Variants in ZNF37A observed in about 807,000 individuals in gnomAD.
ZNF37A encodes the protein zinc finger protein 37A.
In ZNF37A, 10 loss-of-function variants were observed where a neutral mutation model predicts 12.3. The observed-to-expected ratio is 0.82, with a 90% CI of 0.50 to 1.38. The LOEUF (loss-of-function observed/expected upper bound fraction) is 1.38. Among genes scored for constraint, ZNF37A ranks in the 40% most tolerant of loss-of-function variants. ZNF37A has a pLI of 0.00. For synonymous variants in ZNF37A, 207 were observed against 223.0 expected, an observed-to-expected ratio of 0.93 and a Z score of 0.64; for missense variants, 580 against 651.2, an observed-to-expected ratio of 0.89 and a Z score of 1.19.
chr10:38,140,954 C>G (rs1163604597), intron 7 of ZNF37A: 1 of 152,102 alleles, frequency 6.6e-6, no homozygotes, highest in African/African-American at 2.4e-5. Flanking sequence ...TAATCTTTCC[C>G]ATGGAAGAAT....
At chr10:38,129,304 T>TAAAAAAAA (rs775705417), downstream of ZNF37A, among the ~76,000 whole-genome samples, 88 of 56,888 alleles carry the variant, frequency 1.5e-3, 5 homozygotes, top group African/African-American at 4.2e-3. Flanking sequence ...AGACTCTGTC[T>TAAAAAAAA]AAAAAAAAAA....
chr10:38,112,801 T>TG (rs879590645), intron 5 of ZNF37A, among the ~76,000 whole-genome samples: 3 of 68,722 alleles, frequency 4.4e-5, no homozygotes, highest in Non-Finnish European at 9.6e-5. Context: ...TTTTCTTGTC[T>TG]TGTCTTGTCT....
At chr10:38,129,922 A>G (rs1370185361), downstream of ZNF37A, among the ~76,000 whole-genome samples, 2 of 152,256 alleles carry the variant, frequency 1.3e-5, no homozygotes, top group African/African-American at 2.4e-5. Context: ...TTGTAAGTGT[A>G]CAATTCAATG....
chr10:38,131,937 C>T (rs904586230), intron 7 of ZNF37A, among the ~76,000 whole-genome samples: 4 of 151,964 alleles, frequency 2.6e-5, no homozygotes, highest in Non-Finnish European at 4.4e-5. Flanking sequence ...TTGGATTTTT[C>T]GTCAATGGTA....
At chr10:38,127,236 T>G (rs2069941120), downstream of ZNF37A, among the ~76,000 whole-genome samples, 1 of 152,130 alleles carries the variant, frequency 6.6e-6, no homozygotes, top group African/African-American at 2.4e-5. Flanking sequence ...TGCCGCTGGC[T>G]TTTTCTGGAC....
intron 7 of ZNF37A, chr10:38,138,189 A>G (rs2070135190): frequency 6.6e-6 from 1 of 152,192 alleles, no homozygotes; most frequent in Admixed American, 6.5e-5. Context: ...CTAGAGTGTG[A>G]AATAATTGTA....
At chr10:38,117,343 C>G (rs532705291) in intron 7 of ZNF37A, 47 bp from the exon 8 acceptor site, 1 of 1,527,200 alleles carries the variant, frequency 6.5e-7, no homozygotes, top group East Asian at 2.3e-5. Context: ...GTTTATTTCT[C>G]TTACATATCC....
Position 38,115,260 on chromosome 10 carries a change from GA to G in ZNF37A, c.209del (p.Glu70GlyfsTer12). On this transcript the variant is annotated frameshift_variant, in exon 7 of 8. Transcript: ENST00000685332. LOFTEE classifies it low-confidence loss of function (END_TRUNC). ...LEKGEEPWIL[E>X]EKFPSQSHLE... ...GAAAGGCGAGGAGCCATGGATATTA[GA>G]GGAAAAATTTCCAAGCCAGAGTCAT... 6.2e-7 allele frequency: 1 copy of G among 1,613,808 alleles called. No individual in the cohort carries two copies. Among genetic ancestry groups the G allele is most frequent in the Non-Finnish European group, 8.5e-7 (1 of 1,179,932 alleles).
rs2069473381 is a variant in ZNF37A at position 38,118,464 on chromosome 10, C to T, written c.1313C>T (p.Pro438Leu). 1.2e-6 allele frequency: 2 copies of T among 1,613,902 alleles called. No individual in the cohort carries two copies. The highest frequency in any genetic ancestry group is 1.3e-5 in the African/African-American group (1 of 74,924). ...CTAAGAACTCACACAGGTGAGAAAC[C>T]TTATGAATGTATTCAGTGTGGAAAA... is the stretch of plus-strand genomic sequence containing the variant. ...KHLRTHTGEK[P>L]YECIQCGKFF... Residue 438 changes from proline (P) to leucine (L), a missense_variant, in exon 8 of 8, where the codon CCT (proline) becomes CTT (leucine). Coordinates refer to ENST00000685332, the MANE Select transcript of ZNF37A (RefSeq NM_001324250.3).
In ZNF37A at chr10:38,124,094, A is replaced by T. The variant is rs1164599010; in HGVS notation, c.*5257A>T. ...GGAAGCAACCTAAGTGTCTAACAGC[A>T]GATGAATGGATAAATAAAATATGGT... On this transcript the variant is annotated 3_prime_UTR_variant, in exon 8 of 8. Coordinates refer to ENST00000685332, the MANE Select transcript of ZNF37A (RefSeq NM_001324250.3). The T allele has an allele frequency of 6.6e-6, 1 of 152,288 alleles. No individual in the cohort carries two copies. Among genetic ancestry groups the T allele is most frequent in the African/African-American group, 2.4e-5 (1 of 41,456 alleles). The allele number at this position is 152,288 out of a possible 1,614,324, so 9.4% of individuals were successfully genotyped here. A position where few individuals can be genotyped will look rare whatever the true frequency, so the allele number is the denominator to read the frequency against.
At chr10:38,112,600 G>T (rs2068786561) in intron 5 of ZNF37A, among the ~76,000 whole-genome samples, 1 of 150,126 alleles carries the variant, frequency 6.7e-6, no homozygotes, top group African/African-American at 2.5e-5. Flanking sequence ...ATTTTAGAAT[G>T]GTATTTATCT....
chr10:38,125,146 AAAAT>A (rs1262044347), downstream of ZNF37A: 1 of 152,228 alleles, frequency 6.6e-6, no homozygotes, highest in Non-Finnish European at 1.5e-5. Flanking sequence ...GGAACATACA[AAAAT>A]AAATTTAATG....
chr10:38,149,944 T>C (rs67022688), exon 8 of ZNF37A: 20,789 of 152,098 alleles, frequency 0.14, 1,478 homozygotes, highest in Non-Finnish European at 0.16. Context: ...GGGGATAGAA[T>C]TTTTTTTATG....
chr10:38,117,324 T>C (rs2069348128), intron 7 of ZNF37A, 66 bp from the exon 8 acceptor site: 1 of 1,521,906 alleles, frequency 6.6e-7, no homozygotes, highest in African/African-American at 1.4e-5. Context: ...CCTTCAAATA[T>C]AATGCTAAGT....
rs2069611635 is a variant in ZNF37A, at chr10:38,120,235, C to G, written c.*1398C>G. 6.6e-6 allele frequency: 1 copy of G among 152,140 alleles called. No individual in the cohort carries two copies. Among genetic ancestry groups the G allele is most frequent in the Non-Finnish European group, 1.5e-5 (1 of 68,086 alleles). 9.4% of individuals were successfully genotyped at this position (152,140 alleles called of 1,614,324 possible). On this transcript the variant is annotated 3_prime_UTR_variant, in exon 8 of 8. Coordinates refer to ENST00000685332, the MANE Select transcript of ZNF37A (RefSeq NM_001324250.3). ...CCTGAGGTCAGGAGTTCCAGACCAG[C>G]CTGGCCAACATGATGAAACCCTGTC...
At chr10:38,100,848 G>T (rs1348718715) in intron 5 of ZNF37A, among the ~76,000 whole-genome samples, 6 of 152,132 alleles carry the variant, frequency 3.9e-5, no homozygotes, top group Non-Finnish European at 7.4e-5. Context: ...CACAATTTAT[G>T]TTTAGAGATT....
chr10:38,127,817 T>A (rs1490754660), downstream of ZNF37A, among the ~76,000 whole-genome samples: 1 of 152,170 alleles, frequency 6.6e-6, no homozygotes, highest in African/African-American at 2.4e-5. Context: ...CTCAATATAA[T>A]GCATGCCACA....
chr10:38,149,150 A>C (rs1326744379), exon 8 of ZNF37A: 1 of 152,128 alleles, frequency 6.6e-6, no homozygotes, highest in Non-Finnish European at 1.5e-5. Flanking sequence ...ATTTGCTTCA[A>C]TATTCTAACA....
At chr10:38,112,811 T>TG (rs2068925780) in intron 5 of ZNF37A, among the ~76,000 whole-genome samples, 1 of 78,668 alleles carries the variant, frequency 1.3e-5, no homozygotes, top group Non-Finnish European at 2.7e-5. Context: ...TTGTCTTGTC[T>TG]TCTTTTCTTT....
Sources: allele counts gnomAD v4.1 joint callset (sites outside exome capture counted in the v4.1 genomes callset), GRCh38; gene constraint gnomAD v4.1.1; transcripts MANE v1.5; gene names NCBI Gene and HGNC (gene_info 2026-07-23, HGNC 2026-07-21).